ARHGEF12: variants seen among roughly 807,000 people sequenced by gnomAD.
The protein encoded by ARHGEF12 is KMT2A/ARHGEF12 fusion protein.
Under a neutral mutation model 211.2 loss-of-function variants are expected in ARHGEF12, and 66 were observed. The ratio of observed to expected loss-of-function variants is 0.31; its 90% CI spans 0.26 to 0.38. The LOEUF is 0.38. Ranked by LOEUF, ARHGEF12 falls within the 10% of genes least tolerant of loss-of-function variation. The pLI, the probability that ARHGEF12 is intolerant of heterozygous loss-of-function variation, is 1.00. For missense variants in ARHGEF12, 1,429 were observed against 1,869.5 expected (o/e 0.76, Z 4.34); for synonymous variants, 592 against 638.4 (o/e 0.93, Z 1.09).
chr11:120,371,494 C>CA lies in ARHGEF12; in HGVS notation c.32+34225dup, dbSNP rs555150415. ...AAGAGCGAACCTCCGTCTCAAAAAA[C>CA]AAAAAACTGTCTTTAAAGAAGAATA... is the stretch of plus-strand genomic sequence containing the variant. On this transcript the variant is annotated intron_variant, in intron 1 of 40. Transcript: ENST00000397843. 3.6e-4 allele frequency among the ~76,000 whole-genome samples: 54 copies of CA among 152,080 alleles called. No homozygotes were observed. In the East Asian group the frequency reaches 9.7e-3, roughly 27 times the overall value.
At chr11:120,397,042 A>G (rs1279035801) in intron 1 of ARHGEF12, among the ~76,000 whole-genome samples, 2 of 152,180 alleles carry the variant, frequency 1.3e-5, no homozygotes, top group Non-Finnish European at 2.9e-5. Context: ...ACAAAATACA[A>G]ATTCTCCTAA....
chr11:120,437,742 C>T (rs1322663915), intron 12 of ARHGEF12, among the ~76,000 whole-genome samples: 1 of 152,156 alleles, frequency 6.6e-6, no homozygotes, highest in Non-Finnish European at 1.5e-5. Context: ...TCCCCCTTCC[C>T]CCTAGCCCCT....
chr11:120,413,320 T>C (rs1176463855), intron 4 of ARHGEF12, among the ~76,000 whole-genome samples: 2 of 152,242 alleles, frequency 1.3e-5, no homozygotes, highest in South Asian at 2.1e-4. Context: ...CCCAGCTACT[T>C]TTGTTGTTTC....
intron 34 of ARHGEF12, chr11:120,476,969 A>ATGTCAAG: frequency 1.7e-6 from 1 of 585,418 alleles, no homozygotes; most frequent in Non-Finnish European, 2.9e-6. Flanking sequence ...ATTGTGCAAA[A>ATGTCAAG]TGTCAAGTGA....
intron 1 of ARHGEF12, among the ~76,000 whole-genome samples, chr11:120,383,049 G>T (rs558269449): frequency 7.6e-4 from 115 of 152,294 alleles, no homozygotes; most frequent in African/African-American, 2.6e-3. Flanking sequence ...TGAGGCAGGG[G>T]AATGGCGCGA....
chr11:120,472,792 C>G (rs2135963355), intron 30 of ARHGEF12, among the ~76,000 whole-genome samples: 1 of 151,956 alleles, frequency 6.6e-6, no homozygotes, highest in Non-Finnish European at 1.5e-5. Flanking sequence ...GTAGCTGGGA[C>G]CACAGGCGCC....
At chr11:120,474,480 A>G in intron 31 of ARHGEF12, 80 bp from the exon 32 acceptor site, 1 of 914,046 alleles carries the variant, frequency 1.1e-6, no homozygotes, top group Non-Finnish European at 1.6e-6. Context: ...GAATTTCTTT[A>G]AAAGAGACTG....
chr11:120,436,044 A>G (rs570190927), intron 11 of ARHGEF12, among the ~76,000 whole-genome samples: 1 of 152,330 alleles, frequency 6.6e-6, no homozygotes, highest in South Asian at 2.1e-4. Flanking sequence ...TTCTTTTCAG[A>G]AGAGTTTTTT....
rs925090881 is a variant in ARHGEF12 at position 120,393,720 on chromosome 11, G to A, written c.33-12398G>A. On this transcript the variant is annotated intron_variant, in intron 1 of 40. Transcript: ENST00000397843. ...ACAAATAGACAAATCTACAAACATT[G>A]TCAGTTATTTCAGTATCCGTTTTTC... Among the ~76,000 whole-genome samples the A allele has an allele frequency of 1.8e-4, 27 of 152,106 alleles. 1 individual carries two copies. Among genetic ancestry groups the A allele is most frequent in the Admixed American group, 1.2e-3 (19 of 15,266 alleles).
In ARHGEF12 at chr11:120,489,751, T is replaced by C. The variant is rs1163931999; in HGVS notation, c.*4674T>C. ...TTTAAAGATTAAGACTATTCAAATG[T>C]ACTTTGCGGAAATTAACCTGTTTGT... is the stretch of plus-strand genomic sequence containing the variant. On this transcript the variant is annotated 3_prime_UTR_variant, in exon 41 of 41. Transcript: ENST00000397843. 2 of 195,644 alleles carry C rather than the reference T, an allele frequency of 1.0e-5. No individual in the cohort carries two copies. Among genetic ancestry groups the C allele is most frequent in the Admixed American group, 6.1e-5 (1 of 16,446 alleles). 12.1% of individuals were successfully genotyped at this position (195,644 alleles called of 1,614,324 possible). A position where few individuals can be genotyped will look rare whatever the true frequency, so the allele number is the denominator to read the frequency against.
chr11:120,442,427 TACACACACACACAC>T (rs59268139), intron 15 of ARHGEF12, among the ~76,000 whole-genome samples: 6 of 144,004 alleles, frequency 4.2e-5, no homozygotes, highest in Admixed American at 3.5e-4. Flanking sequence ...TATATATATA[TACACACACACACAC>T]ACACACACAC....
chr11:120,417,271 A>C (rs1945059283), intron 4 of ARHGEF12, among the ~76,000 whole-genome samples: 1 of 152,120 alleles, frequency 6.6e-6, no homozygotes, highest in East Asian at 1.9e-4. Context: ...CACCCATATT[A>C]GAAACCTTTA....
intron 21 of ARHGEF12, chr11:120,449,726 A>T (rs943267268): frequency 3.9e-5 from 6 of 152,108 alleles, no homozygotes; most frequent in African/African-American, 9.7e-5. Context: ...AAAAGAAAAA[A>T]AAAAAACGAA....
At chr11:120,409,486 G>T in intron 4 of ARHGEF12, 36 bp downstream of exon 4, 1 of 1,600,884 alleles carries the variant, frequency 6.2e-7, no homozygotes, top group Non-Finnish European at 8.6e-7. Flanking sequence ...TTGCCCTTTG[G>T]AGCTTGCTTC....
In ARHGEF12 at chr11:120,442,845, T is replaced by C. The variant is rs1172336310; in HGVS notation, c.1302+643T>C. Among the ~76,000 whole-genome samples the C allele has an allele frequency of 3.3e-5, 5 of 151,974 alleles. No individual in the cohort carries two copies. The East Asian group carries it at 7.7e-4, about 23-fold the overall frequency. On this transcript the variant is annotated intron_variant, in intron 15 of 40. Coordinates refer to ENST00000397843, the MANE Select transcript of ARHGEF12 (RefSeq NM_015313.3). ...AGACGACTGCCTCATGCTTTTTCCC[T>C]CCTAAAACCTCCATCACTTCCTTTC...
intron 16 of ARHGEF12, 73 bp from the exon 17 acceptor site, chr11:120,446,330 G>A (rs1946046857): frequency 3.6e-6 from 4 of 1,106,546 alleles, no homozygotes; most frequent in Non-Finnish European, 5.2e-6. Flanking sequence ...GTACGAAGTA[G>A]CATTGCTATG....
At chr11:120,454,052 T>C (rs1758836986) in intron 22 of ARHGEF12, among the ~76,000 whole-genome samples, 1 of 152,084 alleles carries the variant, frequency 6.6e-6, no homozygotes, top group African/African-American at 2.4e-5. Context: ...GTTAAGTCCC[T>C]CCGCAGTATT....
At chr11:120,445,116 A>G (rs1946004507) in intron 15 of ARHGEF12, among the ~76,000 whole-genome samples, 1 of 151,914 alleles carries the variant, frequency 6.6e-6, no homozygotes. Flanking sequence ...ATATTGACCA[A>G]TGATTCTAGG....
At chr11:120,452,100 T>TA (rs1217417210) in intron 22 of ARHGEF12, among the ~76,000 whole-genome samples, 1 of 152,158 alleles carries the variant, frequency 6.6e-6, no homozygotes, top group African/African-American at 2.4e-5. Flanking sequence ...GGTCAGTAGT[T>TA]AGAGGCAGAT....
Sources: allele counts gnomAD v4.1 joint callset (sites outside exome capture counted in the v4.1 genomes callset), GRCh38; gene constraint gnomAD v4.1.1; transcripts MANE v1.5; gene names NCBI Gene and HGNC (gene_info 2026-07-23, HGNC 2026-07-21).